Variants in XKR4 observed in about 807,000 individuals in gnomAD.
XKR4 encodes the protein XK related 4, also known as XK-related protein 4.
In XKR4, 12 loss-of-function variants were observed where a neutral mutation model predicts 53.9. The observed-to-expected ratio is 0.22, with a 90% CI of 0.14 to 0.36. XKR4 has a LOEUF of 0.36. Ranked by LOEUF, XKR4 falls within the 10% of genes least tolerant of loss-of-function variation. The pLI is 1.00. For missense variants in XKR4, 799 were observed against 859.5 expected (o/e 0.93, Z 0.88); for synonymous variants, 354 against 362.4 (o/e 0.98, Z 0.26).
At position 55,102,812 on chromosome 8, in the gene XKR4, A is replaced by C; in HGVS notation, c.324A>C (p.Ser108=). The change falls in exon 1 of 3, where the codon TCA becomes TCC. Residue 108 remains serine (S), a synonymous_variant. Transcript: ENST00000327381. This position sits in a 1 kb window ranked among gnomAD's most constrained non-coding sequence, Gnocchi z 5.1. ...TGGGCAGGGAGCAGCGGCGCTACTC[A>C]CTGTGGGACTGCCTCTGGATCCTGG... ...LRLGREQRRY[S]LWDCLWILAA... 6.2e-7 allele frequency: 1 copy of C among 1,607,318 alleles called. No homozygotes were observed. Among genetic ancestry groups the C allele is most frequent in the Non-Finnish European group, 8.5e-7 (1 of 1,179,572 alleles).
intron 1 of XKR4, among the ~76,000 whole-genome samples, chr8:55,222,143 G>A (rs1817889421): frequency 6.6e-6 from 1 of 152,144 alleles, no homozygotes; most frequent in South Asian, 2.1e-4. Context: ...ACTGTTAGTT[G>A]TAGCATGTGT....
chr8:55,407,715 G>A (rs1313998410), intron 2 of XKR4, among the ~76,000 whole-genome samples: 1 of 152,244 alleles, frequency 6.6e-6, no homozygotes, highest in Admixed American at 6.5e-5. Context: ...AGGTGCTCAC[G>A]GAAAAGACCG....
intron 1 of XKR4, among the ~76,000 whole-genome samples, chr8:55,326,768 G>C (rs1177948623): frequency 1.3e-5 from 2 of 151,828 alleles, no homozygotes; most frequent in African/African-American, 4.8e-5. Context: ...ACCACATCCA[G>C]CCTACAACTG....
intron 1 of XKR4, among the ~76,000 whole-genome samples, chr8:55,289,646 A>AAAGAAAGAAAGAAAGAAAGAAAGG (rs1221597017): frequency 3.4e-5 from 3 of 86,980 alleles, no homozygotes; most frequent in African/African-American, 1.7e-4. Flanking sequence ...AGAAAGAAAG[A>AAAGAAAGAAAGAAAGAAAGAAAGG]AAGGAAGGAA....
chr8:55,449,937 C>G lies in XKR4; in HGVS notation c.1007-73344C>G. ...CGGTCGAGCCTCTATTCTGGTCACT[C>G]TCCAGGCTGAGGCTCAAGGTGGAGC... is the stretch of plus-strand genomic sequence containing the variant. On this transcript the variant is annotated intron_variant, in intron 2 of 2. Coordinates refer to ENST00000327381, the MANE Select transcript of XKR4 (RefSeq NM_052898.2). The G allele has an allele frequency of 3.4e-6, 3 of 884,018 alleles. No individual in the cohort carries two copies. The South Asian group carries it at 4.0e-5, about 12-fold the overall frequency. The allele number at this position is 884,018 out of a possible 1,614,324, so 54.8% of individuals were successfully genotyped here. A position where few individuals can be genotyped will look rare whatever the true frequency, so the allele number is the denominator to read the frequency against.
chr8:55,322,956 C>T (rs572383570), intron 1 of XKR4, among the ~76,000 whole-genome samples: 1 of 152,224 alleles, frequency 6.6e-6, no homozygotes, highest in South Asian at 2.1e-4. Flanking sequence ...TAAAAATAGT[C>T]ATCTTGTATT....
At chr8:55,520,453 G>T (rs1462456105) in intron 2 of XKR4, among the ~76,000 whole-genome samples, 1 of 152,200 alleles carries the variant, frequency 6.6e-6, no homozygotes. Context: ...AGGCGTGGTG[G>T]CACATGCCTA....
intron 1 of XKR4, among the ~76,000 whole-genome samples, chr8:55,235,373 A>G (rs1213798756): frequency 6.6e-6 from 1 of 152,236 alleles, no homozygotes; most frequent in Non-Finnish European, 1.5e-5. Flanking sequence ...TGAGAGGATC[A>G]TGATTCAAAC....
At chr8:55,341,499 G>A (rs115350652) in intron 1 of XKR4, among the ~76,000 whole-genome samples, 63 of 152,226 alleles carry the variant, frequency 4.1e-4, no homozygotes, top group African/African-American at 1.2e-3. Flanking sequence ...CCAGGAAGGC[G>A]CCCTGGATTC....
intron 1 of XKR4, among the ~76,000 whole-genome samples, chr8:55,208,314 G>C (rs1362677382): frequency 6.6e-6 from 1 of 152,154 alleles, no homozygotes; most frequent in East Asian, 1.9e-4. Context: ...CCTAGTAGCA[G>C]AGATATGATG....
intron 1 of XKR4, among the ~76,000 whole-genome samples, chr8:55,200,193 A>G (rs1817561404): frequency 6.6e-6 from 1 of 152,068 alleles, no homozygotes; most frequent in Non-Finnish European, 1.5e-5. Flanking sequence ...TCAGCCTCCT[A>G]AGTAAATGGG....
At chr8:55,174,064 A>AG (rs140242260) in intron 1 of XKR4, among the ~76,000 whole-genome samples, 14,596 of 152,192 alleles carry the variant, frequency 0.096, 1,949 homozygotes, top group African/African-American at 0.29. Context: ...TGTTCTAATA[A>AG]GGAACACTTT....
chr8:55,242,556 T>C (rs995669221), intron 1 of XKR4, among the ~76,000 whole-genome samples: 1 of 152,240 alleles, frequency 6.6e-6, no homozygotes, highest in African/African-American at 2.4e-5. Flanking sequence ...TATTTTAAGA[T>C]GTTTGCTAAA....
At chr8:55,238,284 G>A (rs1240442405) in intron 1 of XKR4, among the ~76,000 whole-genome samples, 2 of 152,164 alleles carry the variant, frequency 1.3e-5, no homozygotes, top group Non-Finnish European at 2.9e-5. Context: ...TGGTTTAGCT[G>A]CACCATCTTC....
intron 1 of XKR4, among the ~76,000 whole-genome samples, chr8:55,159,696 A>G (rs1056966625): frequency 6.6e-6 from 1 of 152,262 alleles, no homozygotes; most frequent in Non-Finnish European, 1.5e-5. Flanking sequence ...ACATCAAAAA[A>G]AGGCAAGATA....
intron 1 of XKR4, among the ~76,000 whole-genome samples, chr8:55,235,730 C>T (rs1171925086): frequency 6.6e-6 from 1 of 152,054 alleles, no homozygotes; most frequent in Non-Finnish European, 1.5e-5. Flanking sequence ...AATGACGCTG[C>T]AGCAATAGAA....
chr8:55,337,236 A>G (rs978179376), intron 1 of XKR4, among the ~76,000 whole-genome samples: 2 of 152,202 alleles, frequency 1.3e-5, no homozygotes, highest in Non-Finnish European at 2.9e-5. Flanking sequence ...AAAAGAAATT[A>G]TAGTCCCTAG....
chr8:55,102,834 C>T lies in XKR4; in HGVS notation c.346C>T (p.Leu116=), dbSNP rs1322224893. ...RYSLWDCLWI[L]AAVAVYFADV... Reference sequence around the variant, plus strand: ...CTCACTGTGGGACTGCCTCTGGATCCTGGCCGCCGTGGCCGTGTACTTCGC... The same window carrying T: ...CTCACTGTGGGACTGCCTCTGGATCTTGGCCGCCGTGGCCGTGTACTTCGC... The change falls in exon 1 of 3, where the codon CTG becomes TTG. Residue 116 remains leucine, a synonymous_variant. Coordinates refer to ENST00000327381, the MANE Select transcript of XKR4 (RefSeq NM_052898.2). This position sits in a 1 kb window ranked among gnomAD's most constrained non-coding sequence, Gnocchi z 5.1. 2 of 1,610,580 alleles carry T rather than the reference C, an allele frequency of 1.2e-6. No homozygotes were observed. Among genetic ancestry groups the T allele is most frequent in the Non-Finnish European group, 1.7e-6 (2 of 1,179,868 alleles).
rs557070295 is a variant in XKR4 at position 55,174,648 on chromosome 8, G to A, written c.806+71354G>A. Among the ~76,000 whole-genome samples, 7 of 152,278 alleles carry A rather than the reference G, an allele frequency of 4.6e-5. No homozygotes were observed. The South Asian group carries it at 1.0e-3, about 23-fold the overall frequency. ...TTTGTTGTAATGTGTTGGATGGTAC[G>A]TAGGTAAAGATGGGAAGGCCTGGGG... is the stretch of plus-strand genomic sequence containing the variant. On this transcript the variant is annotated intron_variant, in intron 1 of 2. Transcript: ENST00000327381.
Sources: gnomAD v4.1 joint callset for allele counts (sites outside exome capture counted in the v4.1 genomes callset) on GRCh38, gnomAD v4.1.1 for gene constraint, Gnocchi (gnomAD v3.1) non-coding constraint, MANE v1.5 for transcripts, NCBI Gene and HGNC (gene_info 2026-07-23, HGNC 2026-07-21) for gene names.